The following ATP6V0D2 variants were observed in gnomAD, a reference collection of about 807,000 sequenced individuals.
ATP6V0D2 encodes the protein ATPase H+ transporting V0 subunit d2.
In ATP6V0D2, 40 loss-of-function variants were observed where a neutral mutation model predicts 40.0. That is an observed-to-expected ratio of 1.00 (90% CI 0.78 to 1.30). The LOEUF is 1.30. Among genes scored for constraint, ATP6V0D2 ranks in the 50% most tolerant of loss-of-function variants. ATP6V0D2 has a pLI of 0.00. For missense variants in ATP6V0D2, 470 were observed against 423.1 expected, an observed-to-expected ratio of 1.11 and a Z score of -0.97; for synonymous variants, 179 against 156.3, an observed-to-expected ratio of 1.15 and a Z score of -1.08.
At chr8:86,113,531 C>T (rs1027017873) in intron 1 of ATP6V0D2, among the ~76,000 whole-genome samples, 178 bp from the exon 2 acceptor site, 1 of 152,156 alleles carries the variant, frequency 6.6e-6, no homozygotes, top group Non-Finnish European at 1.5e-5. Context: ...TCCATATTCA[C>T]ATAACATTTT....
intron 2 of ATP6V0D2, among the ~76,000 whole-genome samples, chr8:86,126,367 T>A (rs969714241): frequency 6.6e-6 from 1 of 150,532 alleles, no homozygotes; most frequent in Non-Finnish European, 1.5e-5. Flanking sequence ...GATCATCCCA[T>A]CACCTAGGTA....
At chr8:86,124,745 A>G (rs74690913) in intron 2 of ATP6V0D2, among the ~76,000 whole-genome samples, 18,167 of 152,210 alleles carry the variant, frequency 0.12, 1,417 homozygotes, top group East Asian at 0.32. Context: ...TGCAAAATAT[A>G]AAGCTCCTTG....
chr8:86,138,067 C>A (rs1586099576), intron 2 of ATP6V0D2, among the ~76,000 whole-genome samples: 1 of 152,172 alleles, frequency 6.6e-6, no homozygotes, highest in Non-Finnish European at 1.5e-5. Context: ...AGTTCCTCAT[C>A]TTGTCTTTCG....
At chr8:86,113,632 T>G in intron 1 of ATP6V0D2, 77 bp from the exon 2 acceptor site, 1 of 1,279,178 alleles carries the variant, frequency 7.8e-7, no homozygotes, top group Non-Finnish European at 1.1e-6. Flanking sequence ...AAAATTAGCA[T>G]GAATTCAACT....
intron 7 of ATP6V0D2, among the ~76,000 whole-genome samples, chr8:86,152,154 T>C (rs888827787): frequency 3.9e-5 from 6 of 152,062 alleles, no homozygotes; most frequent in Admixed American, 3.9e-4. Flanking sequence ...CTCCCCCTTA[T>C]GAGTGAAAAC....
At chr8:86,099,951 T>C (rs1483226827) in intron 1 of ATP6V0D2, among the ~76,000 whole-genome samples, 3 of 152,138 alleles carry the variant, frequency 2.0e-5, no homozygotes, top group Non-Finnish European at 4.4e-5. Flanking sequence ...AATATATATA[T>C]TTAAAACCTT....
At chr8:86,127,355 G>A (rs1396953529) in intron 2 of ATP6V0D2, among the ~76,000 whole-genome samples, 10 of 152,054 alleles carry the variant, frequency 6.6e-5, no homozygotes, top group African/African-American at 1.7e-4. Flanking sequence ...TATATTTGGT[G>A]TACTTTTATA....
chr8:86,130,510 T>C (rs1007382652), intron 2 of ATP6V0D2, among the ~76,000 whole-genome samples: 2 of 152,042 alleles, frequency 1.3e-5, no homozygotes, highest in Admixed American at 1.3e-4. Context: ...CTAATCTCAG[T>C]GTGTGCAATG....
intron 1 of ATP6V0D2, among the ~76,000 whole-genome samples, chr8:86,100,826 G>A (rs1818386814): frequency 6.6e-6 from 1 of 150,642 alleles, no homozygotes; most frequent in South Asian, 2.1e-4. Context: ...AAATTTAAAT[G>A]CAAGGAATAC....
At chr8:86,133,675 A>G (rs1362334400) in intron 2 of ATP6V0D2, among the ~76,000 whole-genome samples, 2 of 152,016 alleles carry the variant, frequency 1.3e-5, no homozygotes, top group Non-Finnish European at 2.9e-5. Flanking sequence ...GTGCCATGGG[A>G]AAAACTGCAA....
chr8:86,146,571 C>G (rs911534772), intron 5 of ATP6V0D2, among the ~76,000 whole-genome samples: 7 of 152,106 alleles, frequency 4.6e-5, no homozygotes, highest in Non-Finnish European at 1.0e-4. Flanking sequence ...TGGAACACAC[C>G]TATAGTCCTG....
At chr8:86,112,337 C>T (rs778855298) in intron 1 of ATP6V0D2, among the ~76,000 whole-genome samples, 21 of 152,048 alleles carry the variant, frequency 1.4e-4, no homozygotes, top group Non-Finnish European at 2.9e-5. Flanking sequence ...AATTAGTTGG[C>T]AATAAAATAA....
intron 5 of ATP6V0D2, among the ~76,000 whole-genome samples, chr8:86,145,378 G>GAAA (rs1819054595): frequency 5.8e-5 from 8 of 136,930 alleles, no homozygotes; most frequent in Admixed American, 4.4e-4. Context: ...AGGAAGGAAA[G>GAAA]AAAAGAAAAG....
intron 5 of ATP6V0D2, among the ~76,000 whole-genome samples, chr8:86,144,585 G>A (rs2130278157): frequency 6.6e-6 from 1 of 152,286 alleles, no homozygotes; most frequent in Non-Finnish European, 1.5e-5. Context: ...TTACTTGGTT[G>A]ATGACTTCTG....
chr8:86,151,610 T>C, intron 7 of ATP6V0D2, 70 bp downstream of exon 7: 1 of 1,317,466 alleles, frequency 7.6e-7, no homozygotes, highest in Non-Finnish European at 1.1e-6. Context: ...TTTCTTACTT[T>C]GGGTTTTCTT....
Position 86,113,594 on chromosome 8 carries a change from AATAAG to A in ATP6V0D2, c.131-110_131-106del, listed in dbSNP as rs1818553454. Reference sequence around the variant, plus strand: ...ATATTTAGACCTTATATTAAAATCTAATAAGATAATACATATGTATGTAACACAAA... The same window carrying A: ...ATATTTAGACCTTATATTAAAATCTAATAATACATATGTATGTAACACAAA... On this transcript the variant is annotated intron_variant, in intron 1 of 7. Coordinates refer to ENST00000285393, the MANE Select transcript of ATP6V0D2 (RefSeq NM_152565.1). 7.0e-6 allele frequency: 6 copies of A among 862,172 alleles called. No individual in the cohort carries two copies. The East Asian group carries it at 1.6e-4, about 23-fold the overall frequency. The allele number at this position is 862,172 out of a possible 1,614,324, so 53.4% of individuals were successfully genotyped here. A position where few individuals can be genotyped will look rare whatever the true frequency, so the allele number is the denominator to read the frequency against.
At chr8:86,138,867 G>T (rs1267603446) in intron 2 of ATP6V0D2, among the ~76,000 whole-genome samples, 1 of 152,178 alleles carries the variant, frequency 6.6e-6, no homozygotes, top group Non-Finnish European at 1.5e-5. Flanking sequence ...CTGTGGAGGG[G>T]CTTCTTCCGC....
In ATP6V0D2 at chr8:86,102,381, T is replaced by C. The variant is rs149930481; in HGVS notation, c.130+3273T>C. Among the ~76,000 whole-genome samples the C allele has an allele frequency of 1.6e-4, 25 of 152,328 alleles. No individual in the cohort carries two copies. In the East Asian group the frequency reaches 4.8e-3, roughly 29 times the overall value. ...AAGGCTTAAGGATTTTAGTTTACTT[T>C]TGCACAAAATATACACCATACAAAC... On this transcript the variant is annotated intron_variant, in intron 1 of 7. Transcript: ENST00000285393.
intron 2 of ATP6V0D2, among the ~76,000 whole-genome samples, chr8:86,133,327 T>TC (rs1421974868): frequency 2.2e-4 from 31 of 141,162 alleles, no homozygotes; most frequent in African/African-American, 7.7e-4. Context: ...TTTTTTTTTT[T>TC]TTTTTTTTTT....
Sources: allele counts gnomAD v4.1 joint callset (sites outside exome capture counted in the v4.1 genomes callset), GRCh38; gene constraint gnomAD v4.1.1; transcripts MANE v1.5; gene names NCBI Gene and HGNC (gene_info 2026-07-23, HGNC 2026-07-21).